Variants in ASTN1 observed in about 807,000 individuals in gnomAD.
The protein encoded by ASTN1 is astrotactin 1.
Under a neutral mutation model 140.7 loss-of-function variants are expected in ASTN1, and 41 were observed. The ratio of observed to expected loss-of-function variants is 0.29; its 90% CI spans 0.23 to 0.38. ASTN1 has a LOEUF of 0.38. ASTN1 is among the 10% of genes least tolerant of loss of function. The pLI, the probability that ASTN1 is intolerant of heterozygous loss-of-function variation, is 1.00. For missense variants in ASTN1, 1,479 were observed against 1,678.8 expected (o/e 0.88, Z 2.08); for synonymous variants, 640 against 652.2 (o/e 0.98, Z 0.29).
intron 1 of ASTN1, among the ~76,000 whole-genome samples, chr1:177,113,460 T>C (rs1455399455): frequency 2.0e-5 from 3 of 152,238 alleles, no homozygotes; most frequent in African/African-American, 4.8e-5. Context: ...GTGTCCTCAA[T>C]ACTGTCATCC....
rs1672101404 is a variant in ASTN1, at chr1:176,949,492, A to T, written c.1888-141T>A. 5 of 947,086 alleles carry T rather than the reference A, an allele frequency of 5.3e-6. No individual in the cohort carries two copies. The South Asian group carries it at 7.1e-5, about 13-fold the overall frequency. 58.7% of individuals were successfully genotyped at this position (947,086 alleles called of 1,614,324 possible). A position where few individuals can be genotyped will look rare whatever the true frequency, so the allele number is the denominator to read the frequency against. ...TTCGCAAGTAATCCATGAATTTCCT[A>T]CCACAGCAGACTTCTTTTAAAAACA... On this transcript the variant is annotated intron_variant, in intron 11 of 22. Coordinates refer to ENST00000361833, the MANE Select transcript of ASTN1 (RefSeq NM_004319.3).
At position 176,943,917 on chromosome 1, in the gene ASTN1, G is replaced by T; in HGVS notation, c.2351C>A (p.Pro784His). 1 of 1,611,048 alleles carries T rather than the reference G, an allele frequency of 6.2e-7. No individual in the cohort carries two copies. The highest frequency in any genetic ancestry group is 8.5e-7 in the Non-Finnish European group (1 of 1,178,022). The part of the protein sequence containing the change: ...ENQCLEEISE[P>H]TPDPDFLTGM... ...AGTCAGGAAGTCAGGGTCAGGGGTG[G>T]GCTCCGAGATCTCCTCTAGGCATTG... Residue 784 changes from proline (P) to histidine (H), a missense_variant, in exon 14 of 23, where the codon CCC (proline) becomes CAC (histidine). This residue lies in a region of ASTN1 where 746 missense variants were observed against 800.9 expected (regional missense o/e 0.93). Coordinates refer to ENST00000361833, the MANE Select transcript of ASTN1 (RefSeq NM_004319.3).
At position 177,001,583 on chromosome 1, in the gene ASTN1, G is replaced by A. The variant is rs182054002; in HGVS notation, c.1523+13208C>T. Among the ~76,000 whole-genome samples, 10 of 152,308 alleles carry A rather than the reference G, an allele frequency of 6.6e-5. No individual in the cohort carries two copies. The South Asian group carries it at 2.1e-3, about 32-fold the overall frequency. On this transcript the variant is annotated intron_variant, in intron 8 of 22. Transcript: ENST00000361833. The stretch of plus-strand genomic sequence containing the variant: ...CAGGGCTTTTAAGAAGATGAAATGA[G>A]ATTTGAATCCAAGTCCATCTGATTC...
At chr1:176,908,972 C>T (rs1449948821) in intron 16 of ASTN1, among the ~76,000 whole-genome samples, 1 of 152,168 alleles carries the variant, frequency 6.6e-6, no homozygotes, top group Admixed American at 6.5e-5. Flanking sequence ...CCAGTGAGGC[C>T]AATTCCTGCA....
chr1:177,029,654 C>T lies in ASTN1; in HGVS notation c.1100G>A (p.Arg367Lys), dbSNP rs572008459. ...CCTACCTCTACTACGCCTCCTGCTC[C>T]TTGAAGGATCCGTGTAAAAGGTCAG... ...PQLTFYTDPS[R>K]SRRRSRVGSP... Residue 367 changes from arginine to lysine, a missense_variant, in exon 5 of 23, where the codon AGG becomes AAG. Coordinates refer to ENST00000361833, the MANE Select transcript of ASTN1 (RefSeq NM_004319.3). The T allele has an allele frequency of 6.2e-7, 1 of 1,613,838 alleles. No individual in the cohort carries two copies. Among genetic ancestry groups the T allele is most frequent in the Non-Finnish European group, 8.5e-7 (1 of 1,179,924 alleles).
At chr1:177,143,624 T>C (rs1682569269) in intron 1 of ASTN1, among the ~76,000 whole-genome samples, 1 of 152,240 alleles carries the variant, frequency 6.6e-6, no homozygotes, top group Non-Finnish European at 1.5e-5. Flanking sequence ...GCCATGTCAA[T>C]ATGCCACTTG....
chr1:177,008,448 G>T (rs1282773356), intron 8 of ASTN1, among the ~76,000 whole-genome samples: 1 of 89,598 alleles, frequency 1.1e-5, no homozygotes, highest in African/African-American at 4.3e-5. Flanking sequence ...AGAGGAAGAG[G>T]GAGAGGGAGA....
chr1:177,087,678 A>G (rs567331816), intron 1 of ASTN1, among the ~76,000 whole-genome samples: 2 of 152,310 alleles, frequency 1.3e-5, no homozygotes, highest in African/African-American at 4.8e-5. Flanking sequence ...TTTCACGCAG[A>G]CCAACTTTTG....
At chr1:176,887,255 G>T (rs1006260258) in intron 18 of ASTN1, among the ~76,000 whole-genome samples, 1 of 152,196 alleles carries the variant, frequency 6.6e-6, no homozygotes, top group Non-Finnish European at 1.5e-5. Context: ...TCTGCACACT[G>T]AACATCCCCA....
Position 176,892,404 on chromosome 1 carries a change from T to C in ASTN1, c.2940+2158A>G, listed in dbSNP as rs530462000. ...AGAGAATGAATTCAAGAGGTATTTG[T>C]GGCTCTTGGTGATAAAATGGATGTT... On this transcript the variant is annotated intron_variant, in intron 17 of 22. Coordinates refer to ENST00000361833, the MANE Select transcript of ASTN1 (RefSeq NM_004319.3). Among the ~76,000 whole-genome samples, 125 of 152,304 alleles carry C rather than the reference T, an allele frequency of 8.2e-4. 1 individual carries two copies. The highest frequency in any genetic ancestry group is 2.9e-3 in the African/African-American group (122 of 41,556).
intron 1 of ASTN1, among the ~76,000 whole-genome samples, chr1:177,092,988 A>T (rs1679833338): frequency 6.6e-6 from 1 of 152,206 alleles, no homozygotes; most frequent in South Asian, 2.1e-4. Flanking sequence ...AGTTAGTTAT[A>T]GAAATGCTGA....
chr1:176,889,131 C>T (rs1171085523), intron 17 of ASTN1, among the ~76,000 whole-genome samples: 1 of 152,186 alleles, frequency 6.6e-6, no homozygotes, highest in African/African-American at 2.4e-5. Context: ...AGTAAAAGGA[C>T]AGAAGAATAA....
At chr1:176,888,527 G>GA (rs1046385013) in intron 17 of ASTN1, among the ~76,000 whole-genome samples, 1 of 151,998 alleles carries the variant, frequency 6.6e-6, no homozygotes, top group Admixed American at 6.6e-5. Context: ...TTAGGCTCTA[G>GA]AAAAAAAATT....
intron 16 of ASTN1, among the ~76,000 whole-genome samples, chr1:176,919,216 T>C (rs1400327314): frequency 6.6e-6 from 1 of 152,240 alleles, no homozygotes; most frequent in Non-Finnish European, 1.5e-5. Context: ...CTGCACACAT[T>C]AGATACTCAG....
At chr1:177,031,674 C>T (rs1352617212) in intron 3 of ASTN1, among the ~76,000 whole-genome samples, 1 of 152,316 alleles carries the variant, frequency 6.6e-6, no homozygotes, top group Non-Finnish European at 1.5e-5. Context: ...ATATAGTAAG[C>T]AACATTCAGC....
Position 177,023,455 on chromosome 1 carries a change from A to G in ASTN1, c.1387T>C (p.Cys463Arg), listed in dbSNP as rs1164632223. The change falls in exon 7 of 23, where the codon TGT becomes CGT. Residue 463 changes from cysteine to arginine, a missense_variant. Coordinates refer to ENST00000361833, the MANE Select transcript of ASTN1 (RefSeq NM_004319.3). Reference sequence around the variant, plus strand: ...CAGGGGTCCAGGAGCCGCCGGGCACAGAGGTCCATGGCCCAGGGTCCGCTG... The same window carrying G: ...CAGGGGTCCAGGAGCCGCCGGGCACGGAGGTCCATGGCCCAGGGTCCGCTG... ...NSSGPWAMDL[C>R]ARRLLDPCEH... The G allele has an allele frequency of 6.2e-7, 1 of 1,609,466 alleles. No homozygotes were observed. The highest frequency in any genetic ancestry group is 8.5e-7 in the Non-Finnish European group (1 of 1,178,108).
chr1:176,882,286 C>T (rs1362453426), intron 20 of ASTN1, among the ~76,000 whole-genome samples: 1 of 152,202 alleles, frequency 6.6e-6, no homozygotes, highest in Non-Finnish European at 1.5e-5. Context: ...GTATTCTATG[C>T]CTTTCCTCAA....
chr1:177,129,931 C>T (rs187396338), intron 1 of ASTN1, among the ~76,000 whole-genome samples: 18 of 152,024 alleles, frequency 1.2e-4, no homozygotes, highest in Admixed American at 4.6e-4. Context: ...CTTGACACTG[C>T]GCTCCAGCCT....
chr1:176,928,225 G>C (rs1378953940), intron 16 of ASTN1, among the ~76,000 whole-genome samples: 1 of 152,114 alleles, frequency 6.6e-6, no homozygotes, highest in Non-Finnish European at 1.5e-5. Context: ...ACTATCTCTG[G>C]ATGGATAGAC....
Sources: gnomAD v4.1 joint callset for allele counts (sites outside exome capture counted in the v4.1 genomes callset) on GRCh38, gnomAD v4.1.1 for gene constraint, gnomAD v4.1.1 regional missense constraint, MANE v1.5 for transcripts, NCBI Gene and HGNC (gene_info 2026-07-23, HGNC 2026-07-21) for gene names.